The following FAM9C variants were observed in gnomAD, a reference collection of about 807,000 sequenced individuals.
FAM9C encodes the protein protein FAM9C.
FAM9C carries 15 observed loss-of-function variants against 14.8 expected under a neutral mutation model. The observed-to-expected ratio is 1.02, with a 90% confidence interval of 0.68 to 1.56. FAM9C has a LOEUF of 1.56. Ranked by LOEUF, FAM9C falls within the 40% of genes most tolerant of loss-of-function variation. The pLI is 0.00. For missense variants in FAM9C, 116 were observed against 118.0 expected, an observed-to-expected ratio of 0.98 and a Z score of 0.08; for synonymous variants, 45 against 37.5, an observed-to-expected ratio of 1.20 and a Z score of -0.74.
At chrX:13,044,058 C>G (rs1013719519) in intron 1 of FAM9C, among the ~76,000 whole-genome samples, 8 of 112,524 alleles carry the variant, frequency 7.1e-5, no homozygotes, top group African/African-American at 2.6e-4. Flanking sequence ...AATTCCGCGG[C>G]CTCTGCGGGA....
intron 2 of FAM9C, 99 bp downstream of exon 2, chrX:13,043,630 G>C (rs980708112): frequency 2.9e-6 from 3 of 1,028,512 alleles, no homozygotes; most frequent in Non-Finnish European, 4.1e-6. Flanking sequence ...AAGCCACGAA[G>C]GGGCCGGGGG....
chrX:13,038,327 C>A, intron 7 of FAM9C, 89 bp downstream of exon 7: 1 of 732,332 alleles, frequency 1.4e-6, no homozygotes, highest in Non-Finnish European at 1.9e-6. Context: ...AATGTCTTTC[C>A]ATACATTCAG....
At chrX:13,041,043 TC>T (rs768637686) in intron 4 of FAM9C, 171 bp from the exon 5 acceptor site, 1 of 323,131 alleles carries the variant, frequency 3.1e-6, no homozygotes, top group South Asian at 9.9e-5. Flanking sequence ...GTAAAACCTT[TC>T]AGGTATTAGT....
chrX:13,039,686 A>G, intron 6 of FAM9C, 122 bp downstream of exon 6: 1 of 1,068,902 alleles, frequency 9.4e-7, no homozygotes, highest in Non-Finnish European at 1.2e-6. Flanking sequence ...CCATGAGTCC[A>G]CTAATGGGCG....
intron 4 of FAM9C, chrX:13,042,662 CCAAA>C (rs2043536889): frequency 4.9e-6 from 2 of 409,270 alleles, no homozygotes; most frequent in East Asian, 4.1e-5. Context: ...CTAATATCCC[CCAAA>C]CAATTAAATT....
At chrX:13,038,953 TCTC>T (rs1349309681) in intron 6 of FAM9C, among the ~76,000 whole-genome samples, 1 of 111,501 alleles carries the variant, frequency 9.0e-6, no homozygotes, top group Non-Finnish European at 1.9e-5. Context: ...ACAATAGTGT[TCTC>T]CTCTCCTCTA....
chrX:13,039,935 A>G lies in FAM9C; in HGVS notation c.330-19T>C. 4 of 1,163,611 alleles carry G rather than the reference A, an allele frequency of 3.4e-6. No homozygotes were observed. The highest frequency in any genetic ancestry group is 4.6e-6 in the Non-Finnish European group (4 of 862,299). On this transcript the variant is annotated intron_variant, in intron 5 of 7. Coordinates refer to ENST00000380625, the MANE Select transcript of FAM9C (RefSeq NM_174901.6). Reference sequence around the variant, plus strand: ...TTTCTGCCTGTAACACATAATAAGTAACAAGGTCATACGTCATAGAGGGAT... The same window carrying G: ...TTTCTGCCTGTAACACATAATAAGTGACAAGGTCATACGTCATAGAGGGAT...
intron 3 of FAM9C, 62 bp from the exon 4 acceptor site, chrX:13,043,011 GGAA>G: frequency 8.6e-7 from 1 of 1,163,670 alleles, no homozygotes; most frequent in East Asian, 3.0e-5. Context: ...TTGTTTGTTG[GGAA>G]GAAATGTCTT....
At chrX:13,041,619 A>G (rs1382828379) in intron 4 of FAM9C, 2 of 112,736 alleles carry the variant, frequency 1.8e-5, no homozygotes, top group Non-Finnish European at 3.7e-5. Context: ...TTAATACACA[A>G]TAAAGAAAGT....
At chrX:13,040,721 T>C (rs1305594500) in intron 5 of FAM9C, 37 bp downstream of exon 5, 2 of 937,931 alleles carry the variant, frequency 2.1e-6, no homozygotes, top group South Asian at 4.9e-5. Context: ...AAAGAAATGA[T>C]ATAAATATCA....
At chrX:13,044,123 C>T (rs2043553937) in intron 1 of FAM9C, among the ~76,000 whole-genome samples, 1 of 112,136 alleles carries the variant, frequency 8.9e-6, no homozygotes, top group Non-Finnish European at 1.9e-5. Context: ...TCCCCAGCGA[C>T]CCAGTGGAGT....
chrX:13,044,313 A>T, intron 1 of FAM9C, among the ~76,000 whole-genome samples: 2 of 74,618 alleles, frequency 2.7e-5, no homozygotes, highest in South Asian at 8.4e-4. Flanking sequence ...ACCCACGTTG[A>T]CCCCCCGACC....
At position 13,043,818 on chromosome X, in the gene FAM9C, G is replaced by A. The variant is rs2043551120; in HGVS notation, c.-29C>T. ...GCTGCCCTTCCTGCCCACGGGCTCC[G>A]TGGCTGACTGGCCTGGGAAGCTAGA... On this transcript the variant is annotated 5_prime_UTR_variant, in exon 2 of 8. In the 5' UTR this introduces an upstream ATG that the reference lacks. Transcript: ENST00000380625. The A allele has an allele frequency of 2.5e-6, 3 of 1,202,316 alleles. No individual in the cohort carries two copies. Among genetic ancestry groups the A allele is most frequent in the Admixed American group, 2.2e-5 (1 of 46,044 alleles).
At chrX:13,038,580 A>T in intron 6 of FAM9C, 77 bp from the exon 7 acceptor site, 1 of 891,948 alleles carries the variant, frequency 1.1e-6, no homozygotes, top group Non-Finnish European at 1.5e-6. Context: ...TTAAAGAAAT[A>T]CTCTTTAAAT....
At chrX:13,036,941 A>C (rs747083307) in intron 7 of FAM9C, 6 of 112,283 alleles carry the variant, frequency 5.3e-5, no homozygotes, top group Admixed American at 9.6e-5. Flanking sequence ...GGACTTTAAA[A>C]GCATTGTGAG....
At chrX:13,038,836 C>A (rs2043501408) in intron 6 of FAM9C, among the ~76,000 whole-genome samples, 1 of 112,024 alleles carries the variant, frequency 8.9e-6, no homozygotes, top group Non-Finnish European at 1.9e-5. Context: ...AAGAAACATT[C>A]TTTCTTACTA....
At chrX:13,044,330 C>A (rs1053207940) in intron 1 of FAM9C, among the ~76,000 whole-genome samples, 4 of 102,764 alleles carry the variant, frequency 3.9e-5, no homozygotes, top group South Asian at 4.8e-4. Flanking sequence ...GACCCCCCCC[C>A]AAACGCTGCA....
At position 13,040,861 on chromosome X, in the gene FAM9C, CT is replaced by C; in HGVS notation, c.225del (p.Glu76SerfsTer20). ...KELEDIAADIKEHLAAKRKRI... is the reference protein window; with the variant it reads ...KELEDIAADIXEHLAAKRKRI... Reference sequence around the variant, plus strand: ...CTTTTTCTCTTTGCAGCAAGATGCTCTTTAATGTCAGCTAGATAGTAAATGA... The same window carrying C: ...CTTTTTCTCTTTGCAGCAAGATGCTCTTAATGTCAGCTAGATAGTAAATGA... On this transcript the variant is annotated frameshift_variant, in exon 5 of 8. Transcript: ENST00000380625. LOFTEE classifies it high-confidence loss of function. The C allele has an allele frequency of 8.6e-7, 1 of 1,163,105 alleles. No homozygotes were observed. Among genetic ancestry groups the C allele is most frequent in the South Asian group, 2.0e-5 (1 of 49,503 alleles).
At chrX:13,040,481 G>A (rs1308605607) in intron 5 of FAM9C, 3 of 255,620 alleles carry the variant, frequency 1.2e-5, no homozygotes, top group South Asian at 1.6e-4. Flanking sequence ...TTCACCTACC[G>A]TATTTCTAGA....
Sources: gnomAD v4.1 joint callset for allele counts (sites outside exome capture counted in the v4.1 genomes callset) on GRCh38, gnomAD v4.1.1 for gene constraint, MANE v1.5 for transcripts, NCBI Gene and HGNC (gene_info 2026-07-23, HGNC 2026-07-21) for gene names.